PDHA1: variants seen among roughly 807,000 people sequenced by gnomAD.
The protein encoded by PDHA1 is pyruvate dehydrogenase E1 component subunit alpha, somatic form, mitochondrial.
In PDHA1, 1 loss-of-function variant was observed where a neutral mutation model predicts 33.0. The observed-to-expected ratio is 0.03, with a 90% CI of 0.01 to 0.14. PDHA1 has a LOEUF of 0.14. PDHA1 is among the 10% of genes least tolerant of loss of function. The pLI, the probability that PDHA1 is intolerant of heterozygous loss-of-function variation, is 1.00. For missense variants in PDHA1, 168 were observed against 325.1 expected (o/e 0.52, Z 3.72); for synonymous variants, 123 against 119.2 (o/e 1.03, Z -0.21).
intron 1 of PDHA1, among the ~76,000 whole-genome samples, chrX:19,347,165 G>A (rs1334386863): frequency 9.0e-6 from 1 of 111,407 alleles, no homozygotes; most frequent in African/African-American, 3.3e-5. Context: ...AAGTGCTGGG[G>A]ATTATAGGTG....
At chrX:19,355,580 T>C (rs1456839270) in intron 7 of PDHA1, 76 bp downstream of exon 7, 5 of 1,162,143 alleles carry the variant, frequency 4.3e-6, no homozygotes, top group Non-Finnish European at 5.9e-6. Flanking sequence ...TTGACGATCT[T>C]AGAAACATTG....
intron 1 of PDHA1, 80 bp downstream of exon 1, chrX:19,344,174 C>T (rs2063115349): frequency 8.9e-6 from 8 of 900,348 alleles, no homozygotes; most frequent in Non-Finnish European, 1.3e-5. Context: ...CCAGGCCGGG[C>T]CACCCAGAGC....
chrX:19,349,799 C>T, intron 2 of PDHA1, 138 bp from the exon 3 acceptor site: 7 of 512,141 alleles, frequency 1.4e-5, no homozygotes, highest in Admixed American at 8.0e-5. Context: ...GGAACAGAGG[C>T]GATATGAAGC....
In PDHA1 at chrX:19,361,476, C is replaced by A; in HGVS notation, c.*1823C>A. The A allele has an allele frequency of 5.8e-6, 7 of 1,201,167 alleles. No homozygotes were observed. Among genetic ancestry groups the A allele is most frequent in the Non-Finnish European group, 7.9e-6 (7 of 886,259 alleles). On this transcript the variant is annotated 3_prime_UTR_variant, in exon 11 of 11. Coordinates refer to ENST00000422285, the MANE Select transcript of PDHA1 (RefSeq NM_000284.4). ...CTGTGTAACAACAGCATAAGAATTTCTTTGTTGTAAATTTACCTTTTCAAT... is the reference window on the plus strand; with the variant it reads ...CTGTGTAACAACAGCATAAGAATTTATTTGTTGTAAATTTACCTTTTCAAT...
chrX:19,359,663 A>G lies in PDHA1; in HGVS notation c.*10A>G, dbSNP rs778420248. The G allele has an allele frequency of 4.9e-5, 59 of 1,198,815 alleles. No homozygotes were observed. Among genetic ancestry groups the G allele is most frequent in the South Asian group, 2.1e-4 (12 of 56,518 alleles). On this transcript the variant is annotated 3_prime_UTR_variant, in exon 11 of 11. Coordinates refer to ENST00000422285, the MANE Select transcript of PDHA1 (RefSeq NM_000284.4). Reference sequence around the variant, plus strand: ...TAAGTCAGTCAGTTAAGGGGAGGAGAAGGAGAGGTTATACCTTCAGGGGGC... The same window carrying G: ...TAAGTCAGTCAGTTAAGGGGAGGAGGAGGAGAGGTTATACCTTCAGGGGGC...
intron 4 of PDHA1, among the ~76,000 whole-genome samples, chrX:19,352,570 A>G (rs1483295437): frequency 8.9e-6 from 1 of 112,626 alleles, no homozygotes; most frequent in Non-Finnish European, 1.9e-5. Flanking sequence ...GTCCCTCTAT[A>G]TATCCAGGGG....
intron 1 of PDHA1, chrX:19,345,831 C>G: frequency 3.7e-6 from 1 of 269,123 alleles, no homozygotes; most frequent in Non-Finnish European, 7.3e-6. Context: ...TATCTTTCCA[C>G]TTGGTGGTGT....
chrX:19,346,435 C>T (rs1489658461), intron 1 of PDHA1: 1 of 350,110 alleles, frequency 2.9e-6, no homozygotes, highest in Non-Finnish European at 5.1e-6. Flanking sequence ...CCTGCCTTAG[C>T]CTCCTGAGTA....
Position 19,359,677 on chromosome X carries a change from C to T in PDHA1, c.*24C>T, listed in dbSNP as rs1204191893. On this transcript the variant is annotated 3_prime_UTR_variant, in exon 11 of 11. Transcript: ENST00000422285. ...AAGGGGAGGAGAAGGAGAGGTTATA[C>T]CTTCAGGGGGCTACCAGACAGTGTT... 5 of 1,168,797 alleles carry T rather than the reference C, an allele frequency of 4.3e-6. No individual in the cohort carries two copies. The East Asian group carries it at 8.9e-5, about 21-fold the overall frequency.
intron 1 of PDHA1, 122 bp downstream of exon 1, chrX:19,344,216 C>A: frequency 1.7e-6 from 1 of 574,133 alleles, no homozygotes. Flanking sequence ...GCCGGGGAGC[C>A]TTTACTTCGC....
rs1042456 is a variant in PDHA1 at position 19,360,666 on chromosome X, C to A, written c.*1013C>A. 64,117 of 709,368 alleles carry A rather than the reference C, an allele frequency of 0.09. 8,548 individuals are homozygous for A. The highest frequency in any genetic ancestry group is 0.66 in the African/African-American group (30,605 of 46,263). 58.5% of individuals were successfully genotyped at this position (709,368 alleles called of 1,213,427 possible). A position where few individuals can be genotyped will look rare whatever the true frequency, so the allele number is the denominator to read the frequency against. Reference sequence around the variant, plus strand: ...GGCATTTTTAAATATGTAAACACAGCGGAATTCGTGTATACACTAACAGAA... The same window carrying A: ...GGCATTTTTAAATATGTAAACACAGAGGAATTCGTGTATACACTAACAGAA... On this transcript the variant is annotated 3_prime_UTR_variant, in exon 11 of 11. Coordinates refer to ENST00000422285, the MANE Select transcript of PDHA1 (RefSeq NM_000284.4).
chrX:19,357,271 T>G (rs779006752), intron 8 of PDHA1: 1 of 223,925 alleles, frequency 4.5e-6, no homozygotes, highest in Non-Finnish European at 8.3e-6. Context: ...ATTTTTGTAT[T>G]TTTTGATAGA....
At position 19,361,658 on chromosome X, in the gene PDHA1, G is replaced by A; in HGVS notation, c.*2005G>A. On this transcript the variant is annotated 3_prime_UTR_variant, in exon 11 of 11. Coordinates refer to ENST00000422285, the MANE Select transcript of PDHA1 (RefSeq NM_000284.4). ...TAAAACTCTTCAAAAGTAACCAGTT[G>A]GATTAATAAATGATTCCAGAATGTA... is the stretch of plus-strand genomic sequence containing the variant. The A allele has an allele frequency of 2.6e-6, 2 of 765,983 alleles. No individual in the cohort carries two copies. The highest frequency in any genetic ancestry group is 2.3e-5 in the South Asian group (1 of 42,962). The allele number at this position is 765,983 out of a possible 1,213,427, so 63.1% of individuals were successfully genotyped here.
In PDHA1 at chrX:19,346,978, A is replaced by T. The variant is rs1394667608; in HGVS notation, c.58-2334A>T. Among the ~76,000 whole-genome samples, 48 of 105,350 alleles carry T rather than the reference A, an allele frequency of 4.6e-4. 1 individual carries two copies. The highest frequency in any genetic ancestry group is 4.4e-3 in the Admixed American group (43 of 9,835). 91.5% of individuals were successfully genotyped at this position (105,350 alleles called of 115,157 possible). A position where few individuals can be genotyped will look rare whatever the true frequency, so the allele number is the denominator to read the frequency against. Reference sequence around the variant, plus strand: ...TTAAAGTTTTACTTTTTTTTAATTAATTTTTTTTTTTAGGCTGGAATGCAG... The same window carrying T: ...TTAAAGTTTTACTTTTTTTTAATTATTTTTTTTTTTTAGGCTGGAATGCAG... On this transcript the variant is annotated intron_variant, in intron 1 of 10. Coordinates refer to ENST00000422285, the MANE Select transcript of PDHA1 (RefSeq NM_000284.4).
rs1178151551 is a variant in PDHA1, at chrX:19,360,571, T to C, written c.*918T>C. 14 of 406,304 alleles carry C rather than the reference T, an allele frequency of 3.4e-5. No homozygotes were observed. Among genetic ancestry groups the C allele is most frequent in the Non-Finnish European group, 5.5e-5 (13 of 235,092 alleles). 33.5% of individuals were successfully genotyped at this position (406,304 alleles called of 1,213,427 possible). ...CACAATACACACAGTTCTATGTTTA[T>C]AAATAACAGGTTTCAAAAGAAACTC... On this transcript the variant is annotated 3_prime_UTR_variant, in exon 11 of 11. Transcript: ENST00000422285.
intron 4 of PDHA1, among the ~76,000 whole-genome samples, chrX:19,352,234 T>C (rs1445127191): frequency 9.6e-6 from 1 of 104,425 alleles, no homozygotes; most frequent in Non-Finnish European, 2.0e-5. Flanking sequence ...CCTTTTTTTT[T>C]TTTTTTTTTG....
At position 19,360,139 on chromosome X, in the gene PDHA1, ATCATT is replaced by A; in HGVS notation, c.*490_*494del. 1 of 157,658 alleles carries A rather than the reference ATCATT, an allele frequency of 6.3e-6. No individual in the cohort carries two copies. The highest frequency in any genetic ancestry group is 1.3e-4 in the South Asian group (1 of 7,749). The allele number at this position is 157,658 out of a possible 1,213,427, so 13.0% of individuals were successfully genotyped here. The stretch of plus-strand genomic sequence containing the variant: ...CTTTTGTAATCATTCCAATTTTGTA[ATCATT>A]TCAAAGGCCACATAACTTAGTTTTC... On this transcript the variant is annotated 3_prime_UTR_variant, in exon 11 of 11. Transcript: ENST00000422285.
At chrX:19,356,269 A>G (rs924619863) in intron 8 of PDHA1, among the ~76,000 whole-genome samples, 4 of 111,612 alleles carry the variant, frequency 3.6e-5, no homozygotes, top group Non-Finnish European at 3.8e-5. Context: ...ACTGGCCTAA[A>G]GAGGTTTCAC....
Position 19,361,351 on chromosome X carries a change from T to C in PDHA1, c.*1698T>C, listed in dbSNP as rs1369520749. ...TTGAGGCTCTTACCGTAGTCGAAGGTATCTTAGATCTTCCTTAGTGATCTC... is the reference window on the plus strand; with the variant it reads ...TTGAGGCTCTTACCGTAGTCGAAGGCATCTTAGATCTTCCTTAGTGATCTC... On this transcript the variant is annotated 3_prime_UTR_variant, in exon 11 of 11. Transcript: ENST00000422285. 2 of 1,204,513 alleles carry C rather than the reference T, an allele frequency of 1.7e-6. No homozygotes were observed. The highest frequency in any genetic ancestry group is 1.1e-6 in the Non-Finnish European group (1 of 889,763).
Sources: allele counts gnomAD v4.1 joint callset (sites outside exome capture counted in the v4.1 genomes callset), GRCh38; gene constraint gnomAD v4.1.1; transcripts MANE v1.5; gene names NCBI Gene and HGNC (gene_info 2026-07-23, HGNC 2026-07-21).